The following ALPK1 variants were observed in gnomAD, a reference collection of about 807,000 sequenced individuals.
ALPK1 encodes the protein alpha-protein kinase 1.
In ALPK1, 110 loss-of-function variants were observed where a neutral mutation model predicts 120.6. The observed-to-expected ratio is 0.91, with a 90% CI of 0.78 to 1.07. The LOEUF (loss-of-function observed/expected upper bound fraction) is 1.07. Ranked by LOEUF, ALPK1 falls within the 50% of genes least tolerant of loss-of-function variation. The pLI is 0.00. For missense variants in ALPK1, 1,498 were observed against 1,483.9 expected, an observed-to-expected ratio of 1.01 and a Z score of -0.16; for synonymous variants, 582 against 560.3, an observed-to-expected ratio of 1.04 and a Z score of -0.55.
At chr4:112,384,327 T>A (rs1423088471) in intron 4 of ALPK1, 1 of 152,226 alleles carries the variant, frequency 6.6e-6, no homozygotes, top group Non-Finnish European at 1.5e-5. Flanking sequence ...CAGTAACACT[T>A]TTTGTATTGA....
intron 3 of ALPK1, among the ~76,000 whole-genome samples, chr4:112,380,995 G>C (rs562367083): frequency 1.3e-5 from 2 of 152,154 alleles, no homozygotes; most frequent in Non-Finnish European, 2.9e-5. Context: ...GAAGCCAGTG[G>C]GCCTGAATTT....
intron 2 of ALPK1, among the ~76,000 whole-genome samples, chr4:112,373,049 G>A (rs923010189): frequency 6.6e-6 from 1 of 152,080 alleles, no homozygotes; most frequent in African/African-American, 2.4e-5. Context: ...CTTTAATTTT[G>A]GACTTGAAGA....
intron 12 of ALPK1, among the ~76,000 whole-genome samples, chr4:112,437,297 C>T (rs1344658026): frequency 1.3e-5 from 2 of 151,978 alleles, no homozygotes; most frequent in African/African-American, 4.8e-5. Context: ...AAGACATTTG[C>T]AGCTTAAAAG....
Position 112,382,383 on chromosome 4 carries a change from C to G in ALPK1, c.122-15C>G. Reference sequence around the variant, plus strand: ...TTTGACTGCAATTTCCTTACCTGAACTCTGACCTTTTCAGCTTTACTCCCC... The same window carrying G: ...TTTGACTGCAATTTCCTTACCTGAAGTCTGACCTTTTCAGCTTTACTCCCC... On this transcript the variant is annotated splice_polypyrimidine_tract_variant and intron_variant, in intron 3 of 15. Transcript: ENST00000650871. The G allele has an allele frequency of 1.9e-6, 3 of 1,550,506 alleles. No homozygotes were observed. The highest frequency in any genetic ancestry group is 2.6e-6 in the Non-Finnish European group (3 of 1,139,902).
chr4:112,382,365 G>A (rs1398676368), intron 3 of ALPK1, 33 bp from the exon 4 acceptor site: 16 of 1,565,814 alleles, frequency 1.0e-5, no homozygotes, highest in Admixed American at 1.7e-5. Context: ...TTCTTTGACT[G>A]CAATTTCCTT....
intron 2 of ALPK1, among the ~76,000 whole-genome samples, chr4:112,362,490 G>C (rs1730957745): frequency 6.6e-6 from 1 of 152,112 alleles, no homozygotes; most frequent in Non-Finnish European, 1.5e-5. Context: ...AACAGCTTCA[G>C]AGCTCAAACA....
At chr4:112,308,909 C>T (rs1018200375) in intron 1 of ALPK1, among the ~76,000 whole-genome samples, 1 of 151,992 alleles carries the variant, frequency 6.6e-6, no homozygotes, top group Non-Finnish European at 1.5e-5. Context: ...ATGATGGTGA[C>T]GTACAGATGG....
intron 2 of ALPK1, among the ~76,000 whole-genome samples, chr4:112,338,149 T>C (rs1371640475): frequency 6.6e-6 from 1 of 152,146 alleles, no homozygotes; most frequent in African/African-American, 2.4e-5. Context: ...GTATTTTTAG[T>C]AGAGACGGGG....
intron 2 of ALPK1, among the ~76,000 whole-genome samples, chr4:112,347,090 C>G (rs2148708914): frequency 1.3e-5 from 2 of 152,312 alleles, no homozygotes; most frequent in East Asian, 3.9e-4. Flanking sequence ...AAAAATATAG[C>G]AGTAGCTGTT....
intron 2 of ALPK1, chr4:112,357,962 A>G: frequency 1.3e-6 from 1 of 743,318 alleles, no homozygotes; most frequent in South Asian, 1.4e-5. Flanking sequence ...CCCGGGGTCT[A>G]CCGGCGCCAC....
intron 2 of ALPK1, among the ~76,000 whole-genome samples, chr4:112,367,042 C>G (rs946287771): frequency 6.6e-6 from 1 of 152,146 alleles, no homozygotes; most frequent in Non-Finnish European, 1.5e-5. Context: ...TTTGAGGACT[C>G]AGGGGAAAGG....
intron 2 of ALPK1, chr4:112,357,722 A>C: frequency 6.6e-7 from 1 of 1,506,490 alleles, no homozygotes; most frequent in Admixed American, 1.7e-5. Context: ...CGGTTTTCCA[A>C]GGAGTGCTTG....
intron 2 of ALPK1, among the ~76,000 whole-genome samples, chr4:112,370,313 G>A (rs1731346460): frequency 6.6e-6 from 1 of 151,908 alleles, no homozygotes. Context: ...GCCTTAAAGT[G>A]TATCACTCTA....
chr4:112,389,116 C>T (rs1423340899), intron 4 of ALPK1, among the ~76,000 whole-genome samples: 1 of 150,588 alleles, frequency 6.6e-6, no homozygotes, highest in Non-Finnish European at 1.5e-5. Context: ...GTGATCTCGG[C>T]TCACTGCTGC....
Position 112,351,132 on chromosome 4 carries a change from A to G in ALPK1, c.-100-26546A>G, listed in dbSNP as rs1359237085. Among the ~76,000 whole-genome samples, 21 of 152,306 alleles carry G rather than the reference A, an allele frequency of 1.4e-4. No homozygotes were observed. The East Asian group carries it at 3.9e-3, about 28-fold the overall frequency. On this transcript the variant is annotated intron_variant, in intron 2 of 15. Transcript: ENST00000650871. ...GAGTGGGTAACTGTAGCTGGAGAGT[A>G]TGAGCGGCAGCCTCTGCAGTGATGG...
Position 112,438,543 on chromosome 4 carries a change from A to G in ALPK1, c.3248A>G (p.Glu1083Gly). ...CTCTGGCACCACTTCACTGATGTGG[A>G]GCGACAGATGACCGCACAGCACTAT... ...KGLWHHFTDV[E>G]RQMTAQHYVT... The change falls in exon 13 of 16, where the codon GAG (glutamate) becomes GGG (glycine). Residue 1083 changes from glutamate (E) to glycine (G), a missense_variant. Transcript: ENST00000650871. The G allele has an allele frequency of 6.2e-7, 1 of 1,613,862 alleles. No homozygotes were observed. The highest frequency in any genetic ancestry group is 8.5e-7 in the Non-Finnish European group (1 of 1,179,782).
At chr4:112,416,669 G>T (rs185244887) in intron 5 of ALPK1, among the ~76,000 whole-genome samples, 1 of 152,174 alleles carries the variant, frequency 6.6e-6, no homozygotes, top group East Asian at 1.9e-4. Flanking sequence ...GAGCCCAAGA[G>T]TTCAAGACCA....
chr4:112,438,279 C>T (rs1008759791), intron 12 of ALPK1, among the ~76,000 whole-genome samples: 5 of 152,126 alleles, frequency 3.3e-5, no homozygotes, highest in African/African-American at 1.2e-4. Flanking sequence ...TCTGGGTCAG[C>T]TAGAATGAGT....
intron 1 of ALPK1, among the ~76,000 whole-genome samples, chr4:112,300,838 T>C (rs1433816011): frequency 6.6e-6 from 1 of 152,204 alleles, no homozygotes; most frequent in Non-Finnish European, 1.5e-5. Context: ...ATTGTACTTA[T>C]ATTCAATTTT....
Sources: allele counts gnomAD v4.1 joint callset (sites outside exome capture counted in the v4.1 genomes callset), GRCh38; gene constraint gnomAD v4.1.1; transcripts MANE v1.5; gene names NCBI Gene and HGNC (gene_info 2026-07-23, HGNC 2026-07-21).